CECR2: variants seen among roughly 807,000 people sequenced by gnomAD.
CECR2 encodes chromatin remodeling regulator CECR2.
In CECR2, 30 loss-of-function variants were observed where a neutral mutation model predicts 154.5. The observed-to-expected ratio is 0.19, with a 90% confidence interval of 0.15 to 0.26. The LOEUF (loss-of-function observed/expected upper bound fraction) is 0.26. CECR2 is among the 10% of genes least tolerant of loss of function. The pLI is 1.00. For missense variants in CECR2, 1,743 were observed against 1,829.3 expected, an observed-to-expected ratio of 0.95 and a Z score of 0.86; for synonymous variants, 725 against 683.7, an observed-to-expected ratio of 1.06 and a Z score of -0.94.
intron 18 of CECR2, 61 bp from the exon 19 acceptor site, chr22:17,552,774 G>GTATTTTTTTTTTTTTTTT (rs2056727492): frequency 1.3e-6 from 1 of 748,292 alleles, no homozygotes; most frequent in Non-Finnish European, 1.9e-6. Flanking sequence ...GCTTACTTAA[G>GTATTTTTTTTTTTTTTTT]TTTTTTTTTT....
intron 1 of CECR2, among the ~76,000 whole-genome samples, chr22:17,370,905 T>C (rs1383258056): frequency 6.6e-6 from 1 of 152,230 alleles, no homozygotes; most frequent in East Asian, 1.9e-4. Flanking sequence ...TCGTGACTTT[T>C]CACCTTTTGC....
intron 1 of CECR2, among the ~76,000 whole-genome samples, chr22:17,421,412 G>A (rs968806735): frequency 9.2e-5 from 14 of 151,908 alleles, no homozygotes; most frequent in African/African-American, 2.2e-4. Context: ...TCAGGAGATC[G>A]AGACCATCCC....
At chr22:17,490,418 C>A (rs1314107277) in intron 2 of CECR2, among the ~76,000 whole-genome samples, 1 of 151,730 alleles carries the variant, frequency 6.6e-6, no homozygotes, top group East Asian at 1.9e-4. Context: ...ATTTTCTATC[C>A]TTTTAATCTT....
intron 1 of CECR2, among the ~76,000 whole-genome samples, chr22:17,414,679 G>A (rs922155878): frequency 6.3e-5 from 9 of 142,320 alleles, no homozygotes; most frequent in Admixed American, 1.4e-4. Context: ...CCCACCCCAC[G>A]ACTGGCCCTG....
intron 2 of CECR2, 33 bp downstream of exon 2, chr22:17,477,715 GC>G: frequency 6.7e-7 from 1 of 1,497,504 alleles, no homozygotes; most frequent in Non-Finnish European, 9.3e-7. Flanking sequence ...AGCATTTCTT[GC>G]GCCAAGAACT....
chr22:17,442,549 G>A (rs1177595384), intron 1 of CECR2, among the ~76,000 whole-genome samples: 1 of 152,008 alleles, frequency 6.6e-6, no homozygotes, highest in African/African-American at 2.4e-5. Flanking sequence ...AGGTTTTTTT[G>A]TTTGTTTTGT....
chr22:17,365,272 C>T (rs5749060), upstream of CECR2, among the ~76,000 whole-genome samples: 60,530 of 151,256 alleles, frequency 0.4, 13,610 homozygotes, highest in Middle Eastern at 0.55. Flanking sequence ...TGGTTAACGA[C>T]GGTTATGAAG....
intron 1 of CECR2, among the ~76,000 whole-genome samples, chr22:17,417,617 T>C (rs755948156): frequency 1.3e-5 from 2 of 152,040 alleles, no homozygotes; most frequent in Non-Finnish European, 2.9e-5. Context: ...TGGCCTCTTA[T>C]TTTATTTTAG....
At chr22:17,467,430 C>T (rs1159966112) in intron 1 of CECR2, among the ~76,000 whole-genome samples, 1 of 152,152 alleles carries the variant, frequency 6.6e-6, no homozygotes, top group Non-Finnish European at 1.5e-5. Flanking sequence ...GACTGAGATC[C>T]AGTGCTTACT....
At chr22:17,432,003 T>TGGACA (rs2054431922) in intron 1 of CECR2, among the ~76,000 whole-genome samples, 1 of 149,906 alleles carries the variant, frequency 6.7e-6, no homozygotes, top group African/African-American at 2.5e-5. Context: ...TTGCCCACTC[T>TGGACA]TGACATTTCC....
chr22:17,372,926 T>C (rs1339185283), intron 1 of CECR2, among the ~76,000 whole-genome samples: 2 of 152,174 alleles, frequency 1.3e-5, no homozygotes, highest in African/African-American at 4.8e-5. Context: ...CGGCTTCCAT[T>C]TATCTAAAGT....
chr22:17,531,265 T>TGG (rs5844316), intron 9 of CECR2, among the ~76,000 whole-genome samples: 1 of 151,936 alleles, frequency 6.6e-6, no homozygotes, highest in Non-Finnish European at 1.5e-5. Flanking sequence ...TTGTCAGAGG[T>TGG]GGGGGGCTGC....
intron 9 of CECR2, 132 bp from the exon 10 acceptor site, chr22:17,536,971 C>A: frequency 1.0e-6 from 1 of 974,972 alleles, no homozygotes; most frequent in Non-Finnish European, 1.5e-6. Flanking sequence ...AAGAGGGTGG[C>A]ACAGGGAGCA....
chr22:17,458,820 T>A (rs760308358), intron 1 of CECR2, among the ~76,000 whole-genome samples: 1 of 152,132 alleles, frequency 6.6e-6, no homozygotes, highest in Non-Finnish European at 1.5e-5. Flanking sequence ...GTTTCTTGAG[T>A]TTACTGTTTG....
chr22:17,463,573 T>C (rs777334361), intron 1 of CECR2, among the ~76,000 whole-genome samples: 1 of 152,126 alleles, frequency 6.6e-6, no homozygotes, highest in Non-Finnish European at 1.5e-5. Context: ...GATGCCTCAA[T>C]TTTTTGCTGG....
intron 9 of CECR2, among the ~76,000 whole-genome samples, chr22:17,531,776 T>C (rs1362899538): frequency 1.3e-5 from 2 of 152,192 alleles, no homozygotes; most frequent in African/African-American, 4.8e-5. Context: ...TATAGAACAT[T>C]CTGTTCCCTA....
In CECR2 at chr22:17,549,783, G is replaced by GTTTTTTTTTTTTTTTTTTTTTTT. The variant is rs1491166897; in HGVS notation, c.4277+219_4277+220insTTTTTTTTTTTTTTTTTTTTTTT. On this transcript the variant is annotated intron_variant, in intron 17 of 18. Transcript: ENST00000262608. The stretch of plus-strand genomic sequence containing the variant: ...TGCCACCACACCCAGCTAACTTTTT[G>GTTTTTTTTTTTTTTTTTTTTTTT]GTTTTTTTTTTTTTTTTTTTTTGGT... Among the ~76,000 whole-genome samples, 4 of 88,854 alleles carry GTTTTTTTTTTTTTTTTTTTTTTT rather than the reference G, an allele frequency of 4.5e-5. 2 individuals are homozygous for GTTTTTTTTTTTTTTTTTTTTTTT. 58.3% of individuals were successfully genotyped at this position (88,854 alleles called of 152,430 possible). A position where few individuals can be genotyped will look rare whatever the true frequency, so the allele number is the denominator to read the frequency against.
At position 17,435,587 on chromosome 22, in the gene CECR2, C is replaced by T. The variant is rs147132803; in HGVS notation, c.127-42001C>T. On this transcript the variant is annotated intron_variant, in intron 1 of 18. Transcript: ENST00000262608. ...ACAAGAAAGATGTCTGGGGAATTAG[C>T]AAGTTCTATTTTTGTTTGGTCCAGT... is the stretch of plus-strand genomic sequence containing the variant. Among the ~76,000 whole-genome samples the T allele has an allele frequency of 1.6e-4, 24 of 149,242 alleles. No individual in the cohort carries two copies. In the East Asian group the frequency reaches 4.8e-3, roughly 30 times the overall value.
intron 1 of CECR2, among the ~76,000 whole-genome samples, chr22:17,416,693 G>T (rs764126217): frequency 6.6e-6 from 1 of 152,068 alleles, no homozygotes. Flanking sequence ...GTAGAGACAC[G>T]GTTTCATGAT....
Sources: gnomAD v4.1 joint callset for allele counts (sites outside exome capture counted in the v4.1 genomes callset) on GRCh38, gnomAD v4.1.1 for gene constraint, MANE v1.5 for transcripts, NCBI Gene and HGNC (gene_info 2026-07-23, HGNC 2026-07-21) for gene names.